Variants in OTUB2 observed in about 807,000 individuals in gnomAD.
OTUB2 encodes OTU deubiquitinase, ubiquitin aldehyde binding 2.
A neutral mutation model predicts 25.1 loss-of-function variants in OTUB2; 21 were observed. The observed-to-expected ratio is 0.84, with a 90% confidence interval of 0.59 to 1.21. OTUB2 has a LOEUF of 1.21. Ranked by LOEUF, OTUB2 falls within the 50% of genes most tolerant of loss-of-function variation. The pLI is 0.00. For synonymous variants in OTUB2, 122 were observed against 122.8 expected (o/e 0.99, Z 0.04); for missense variants, 283 against 298.0 (o/e 0.95, Z 0.37).
At position 94,048,169 on chromosome 14, in the gene OTUB2, C is replaced by G. The variant is rs1164635716; in HGVS notation, c.*2247C>G. 1 of 152,164 alleles carries G rather than the reference C, an allele frequency of 6.6e-6. No homozygotes were observed. The highest frequency in any genetic ancestry group is 2.4e-5 in the African/African-American group (1 of 41,444). 9.4% of individuals were successfully genotyped at this position (152,164 alleles called of 1,614,324 possible). ...CTAGTCATCTGTGGATGTTACCTTG[C>G]TTGTCCACAGCAGCCAGTCACCCTG... On this transcript the variant is annotated 3_prime_UTR_variant, in exon 6 of 6. Coordinates refer to ENST00000203664, the MANE Select transcript of OTUB2 (RefSeq NM_023112.4).
In OTUB2 at chr14:94,038,233, C is replaced by T. The variant is rs535218515; in HGVS notation, c.100-730C>T. ...GTAGTGGTGTGGGCATCATGTGATC[C>T]GAACGCCGCTGCGGGGCACTTCCAG... On this transcript the variant is annotated intron_variant, in intron 2 of 5. Coordinates refer to ENST00000203664, the MANE Select transcript of OTUB2 (RefSeq NM_023112.4). Among the ~76,000 whole-genome samples the T allele has an allele frequency of 4.6e-5, 7 of 152,324 alleles. 1 individual carries two copies. In the South Asian group the frequency reaches 1.2e-3, roughly 27 times the overall value.
At chr14:94,042,718 C>A (rs1164886368) in intron 3 of OTUB2, among the ~76,000 whole-genome samples, 1 of 152,222 alleles carries the variant, frequency 6.6e-6, no homozygotes, top group Non-Finnish European at 1.5e-5. Context: ...TTAGCCAGCA[C>A]TGACCATCAG....
At position 94,039,033 on chromosome 14, in the gene OTUB2, G is replaced by C. The variant is rs1299783894; in HGVS notation, c.170G>C (p.Gly57Ala). 9.3e-6 allele frequency: 15 copies of C among 1,614,112 alleles called. No homozygotes were observed. Among genetic ancestry groups the C allele is most frequent in the Non-Finnish European group, 1.3e-5 (15 of 1,180,046 alleles). ...GDGNCFYRALGYSYLESLLGK... is the reference protein window; with the variant it reads ...GDGNCFYRALAYSYLESLLGK... ...GGGAACTGCTTCTACAGGGCCTTGGGCTATTCCTACCTGGAGTCCCTGCTG... is the reference window on the plus strand; with the variant it reads ...GGGAACTGCTTCTACAGGGCCTTGGCCTATTCCTACCTGGAGTCCCTGCTG... The change falls in exon 3 of 6, where the codon GGC (glycine) becomes GCC (alanine). Residue 57 changes from glycine (G) to alanine (A), a missense_variant. Physicochemically the swap from Gly to Ala is moderately conservative, Grantham distance 60 (BLOSUM62 0). Coordinates refer to ENST00000203664, the MANE Select transcript of OTUB2 (RefSeq NM_023112.4).
At chr14:94,028,288 G>A (rs1457692297) in intron 1 of OTUB2, among the ~76,000 whole-genome samples, 8 of 152,210 alleles carry the variant, frequency 5.3e-5, no homozygotes, top group African/African-American at 1.4e-4. Context: ...TACTGCATGC[G>A]GGGACCATAC....
intron 5 of OTUB2, 55 bp downstream of exon 5, chr14:94,044,835 C>T (rs1885239789): frequency 6.5e-7 from 1 of 1,532,532 alleles, no homozygotes; most frequent in Admixed American, 1.9e-5. Context: ...TGGCCCTGTC[C>T]TGCAGACTTC....
intron 4 of OTUB2, among the ~76,000 whole-genome samples, 154 bp from the exon 5 acceptor site, chr14:94,044,432 G>C (rs937976931): frequency 1.3e-5 from 2 of 152,176 alleles, no homozygotes; most frequent in African/African-American, 4.8e-5. Context: ...ACTTAGCTTA[G>C]GCAGAATCTC....
Position 94,026,421 on chromosome 14 carries a change from C to A in OTUB2, c.-117C>A. The A allele has an allele frequency of 7.8e-7, 1 of 1,289,230 alleles. No homozygotes were observed. Among genetic ancestry groups the A allele is most frequent in the Non-Finnish European group, 9.8e-7 (1 of 1,017,560 alleles). The allele number at this position is 1,289,230 out of a possible 1,614,324, so 79.9% of individuals were successfully genotyped here. A position where few individuals can be genotyped will look rare whatever the true frequency, so the allele number is the denominator to read the frequency against. On this transcript the variant is annotated 5_prime_UTR_variant, in exon 1 of 6. Coordinates refer to ENST00000203664, the MANE Select transcript of OTUB2 (RefSeq NM_023112.4). ...TCGGGTGTATTCTCCGCCGCCCCCACGCCCTCGAGGTCCCCGCCACCGAAC... is the reference window on the plus strand; with the variant it reads ...TCGGGTGTATTCTCCGCCGCCCCCAAGCCCTCGAGGTCCCCGCCACCGAAC...
Position 94,039,012 on chromosome 14 carries a change from A to C in OTUB2, c.149A>C (p.Asn50Thr). ...ATCCGCAAGACCAAAGGGGATGGGA[A>C]CTGCTTCTACAGGGCCTTGGGCTAT... ...TAIRKTKGDG[N>T]CFYRALGYSY... is the part of the protein sequence containing the mutation. The change falls in exon 3 of 6, where the codon AAC (asparagine) becomes ACC (threonine). Residue 50 changes from asparagine (N) to threonine (T), a missense_variant. Physicochemically the swap from Asn to Thr is moderately conservative, Grantham distance 65. Coordinates refer to ENST00000203664, the MANE Select transcript of OTUB2 (RefSeq NM_023112.4). 6.2e-7 allele frequency: 1 copy of C among 1,614,210 alleles called. No homozygotes were observed. The highest frequency in any genetic ancestry group is 8.5e-7 in the Non-Finnish European group (1 of 1,180,030).
rs1242070010 is a variant in OTUB2, at chr14:94,035,285, TC to T, written c.4-2094del. Among the ~76,000 whole-genome samples the T allele has an allele frequency of 5.5e-5, 7 of 128,302 alleles. No individual in the cohort carries two copies. The East Asian group carries it at 1.1e-3, about 19-fold the overall frequency. The allele number at this position is 128,302 out of a possible 152,430, so 84.2% of individuals were successfully genotyped here. ...TCATCCAGTTCTTTTTTTTTTCTTT[TC>T]TTTTTTTTTTTTTTTTTTTTTGAGA... On this transcript the variant is annotated intron_variant, in intron 1 of 5. Coordinates refer to ENST00000203664, the MANE Select transcript of OTUB2 (RefSeq NM_023112.4).
In OTUB2 at chr14:94,042,866, G is replaced by C. The variant is rs1160875456; in HGVS notation, c.219-1105G>C. Among the ~76,000 whole-genome samples, 3 of 152,210 alleles carry C rather than the reference G, an allele frequency of 2.0e-5. No homozygotes were observed. The East Asian group carries it at 5.8e-4, about 29-fold the overall frequency. ...CATCACCATCCACACTTGCGCCAAAGTGGAGCTTATGGCCAAAAGCCACAG... is the reference window on the plus strand; with the variant it reads ...CATCACCATCCACACTTGCGCCAAACTGGAGCTTATGGCCAAAAGCCACAG... On this transcript the variant is annotated intron_variant, in intron 3 of 5. Transcript: ENST00000203664.
intron 3 of OTUB2, among the ~76,000 whole-genome samples, chr14:94,042,271 A>T (rs141143938): frequency 4.3e-4 from 65 of 152,234 alleles, no homozygotes; most frequent in African/African-American, 1.5e-3. Context: ...GCTTGTGTGC[A>T]GCCCCAGCGG....
intron 1 of OTUB2, 76 bp downstream of exon 1, chr14:94,026,616 C>A: frequency 8.5e-7 from 1 of 1,181,468 alleles, no homozygotes; most frequent in Non-Finnish European, 1.1e-6. Flanking sequence ...GGAGCGGGTG[C>A]ACCCGCGGGA....
chr14:94,026,867 G>T (rs1233209173), intron 1 of OTUB2, among the ~76,000 whole-genome samples: 1 of 152,228 alleles, frequency 6.6e-6, no homozygotes, highest in African/African-American at 2.4e-5. Flanking sequence ...GGACAGGGAG[G>T]CTGCAGCACT....
chr14:94,039,156 T>A, intron 3 of OTUB2, 75 bp downstream of exon 3: 2 of 1,166,964 alleles, frequency 1.7e-6, no homozygotes, highest in Admixed American at 2.0e-5. Context: ...CTCGGAGGTT[T>A]TCGTTACACT....
intron 2 of OTUB2, among the ~76,000 whole-genome samples, chr14:94,038,131 C>G (rs996168589): frequency 6.6e-6 from 1 of 152,380 alleles, no homozygotes; most frequent in East Asian, 1.9e-4. Context: ...CACGCAGCAC[C>G]GTTGCTGGGC....
intron 3 of OTUB2, 112 bp from the exon 4 acceptor site, chr14:94,043,859 G>A (rs1033554297): frequency 1.7e-5 from 16 of 929,582 alleles, no homozygotes; most frequent in Non-Finnish European, 2.5e-5. Flanking sequence ...TTCTGCGGCT[G>A]GACTAGAGAT....
In OTUB2 at chr14:94,044,741, C is replaced by T. The variant is rs1447661185; in HGVS notation, c.459C>T (p.Phe153=). The change falls in exon 5 of 6, where the codon TTC becomes TTT. Residue 153 remains phenylalanine (F), a synonymous_variant. Transcript: ENST00000203664. ...ACCGAGCAGACTTCTTCCGGCACTT[C>T]ATTGATGAGGAGATGGACATCAAAG... ...IRNRADFFRH[F]IDEEMDIKDF... is the part of the protein sequence containing the mutation. 1 of 1,613,768 alleles carries T rather than the reference C, an allele frequency of 6.2e-7. No individual in the cohort carries two copies. Among genetic ancestry groups the T allele is most frequent in the Non-Finnish European group, 8.5e-7 (1 of 1,180,016 alleles).
rs186137185 is a variant in OTUB2 at position 94,045,984 on chromosome 14, T to A, written c.*62T>A. On this transcript the variant is annotated 3_prime_UTR_variant, in exon 6 of 6. Coordinates refer to ENST00000203664, the MANE Select transcript of OTUB2 (RefSeq NM_023112.4). ...TGGGACTGCATTCTGAATGGAACAT[T>A]CCGGCTCTTCAATTTTTTAAGCAAT... 6.5e-7 allele frequency: 1 copy of A among 1,546,848 alleles called. No homozygotes were observed.
chr14:94,042,959 G>A (rs1204529350), intron 3 of OTUB2, among the ~76,000 whole-genome samples: 9 of 152,184 alleles, frequency 5.9e-5, no homozygotes, highest in Admixed American at 5.2e-4. Context: ...TCCAATCCAG[G>A]CACCTCACCC....
Sources: gnomAD v4.1 joint callset for allele counts (sites outside exome capture counted in the v4.1 genomes callset) on GRCh38, gnomAD v4.1.1 for gene constraint, MANE v1.5 for transcripts, NCBI Gene and HGNC (gene_info 2026-07-23, HGNC 2026-07-21) for gene names.